The following NRXN2 variants were observed in gnomAD, a reference collection of about 807,000 sequenced individuals.
NRXN2 encodes the protein neurexin 2.
Under a neutral mutation model 128.8 loss-of-function variants are expected in NRXN2, and 29 were observed. The ratio of observed to expected loss-of-function variants is 0.23; its 90% CI spans 0.17 to 0.31. The LOEUF is 0.31. Ranked by LOEUF, NRXN2 falls within the 10% of genes least tolerant of loss-of-function variation. The pLI is 1.00. For synonymous variants in NRXN2, 1,098 were observed against 1,075.2 expected (o/e 1.02, Z -0.41); for missense variants, 1,881 against 2,452.6 (o/e 0.77, Z 4.92).
At chr11:64,609,781 GCT>G (rs1206132511) in intron 22 of NRXN2, among the ~76,000 whole-genome samples, 1 of 152,132 alleles carries the variant, frequency 6.6e-6, no homozygotes. Flanking sequence ...TTCCTCTCTG[GCT>G]CTCTCTTCAG....
Position 64,630,905 on chromosome 11 carries a change from C to A in NRXN2, c.3586-332G>T, listed in dbSNP as rs1269322063. 6.6e-6 allele frequency among the ~76,000 whole-genome samples: 1 copy of A among 152,220 alleles called. No homozygotes were observed. The highest frequency in any genetic ancestry group is 1.5e-5 in the Non-Finnish European group (1 of 68,030). ...CTGGGCCCAGACAGGGGTGATCGGGCCAAGCTGGGGACCAGCTCGGGGCAT... is the reference window on the plus strand; with the variant it reads ...CTGGGCCCAGACAGGGGTGATCGGGACAAGCTGGGGACCAGCTCGGGGCAT... On this transcript the variant is annotated intron_variant, in intron 18 of 22. Coordinates refer to ENST00000265459, the MANE Select transcript of NRXN2 (RefSeq NM_015080.4). This position sits in a 1 kb window ranked among gnomAD's most constrained non-coding sequence, Gnocchi z 4.6.
chr11:64,641,751 G>A (rs1170981124), intron 17 of NRXN2, among the ~76,000 whole-genome samples: 3 of 152,080 alleles, frequency 2.0e-5, no homozygotes, highest in Non-Finnish European at 4.4e-5. Flanking sequence ...TAAGTGGACA[G>A]CGATAGAGGA....
chr11:64,613,527 C>T (rs2040998404), intron 22 of NRXN2, among the ~76,000 whole-genome samples: 1 of 152,242 alleles, frequency 6.6e-6, no homozygotes, highest in South Asian at 2.1e-4. Flanking sequence ...CAGCAGCCTC[C>T]TGGTGCCACT....
chr11:64,662,501 G>A (rs1019358064), intron 9 of NRXN2, among the ~76,000 whole-genome samples: 3 of 152,134 alleles, frequency 2.0e-5, no homozygotes, highest in Admixed American at 1.3e-4. Context: ...AGGGGTCGGG[G>A]CCGGGCACAG....
Position 64,630,365 on chromosome 11 carries a change from C to G in NRXN2, c.3757+37G>C. 6.3e-7 allele frequency: 1 copy of G among 1,591,672 alleles called. No homozygotes were observed. The highest frequency in any genetic ancestry group is 8.5e-7 in the Non-Finnish European group (1 of 1,171,648). Reference sequence around the variant, plus strand: ...TCCTATCAGAGGCCGCCACCCGCCCCGCCACCGCGCCTCCTCCGCGGGCCC... The same window carrying G: ...TCCTATCAGAGGCCGCCACCCGCCCGGCCACCGCGCCTCCTCCGCGGGCCC... On this transcript the variant is annotated intron_variant, in intron 19 of 22. Coordinates refer to ENST00000265459, the MANE Select transcript of NRXN2 (RefSeq NM_015080.4). The surrounding 1 kb of genome is among the most constrained non-coding windows in gnomAD (Gnocchi z 4.6).
chr11:64,665,851 G>A (rs2049774515), intron 9 of NRXN2, among the ~76,000 whole-genome samples: 2 of 152,148 alleles, frequency 1.3e-5, no homozygotes, highest in Admixed American at 1.3e-4. Context: ...TCAACAAGAT[G>A]GAGAAGAGTA....
Position 64,714,804 on chromosome 11 carries a change from G to A in NRXN2, c.-244-861C>T, listed in dbSNP as rs1264388812. Among the ~76,000 whole-genome samples the A allele has an allele frequency of 3.3e-5, 5 of 152,102 alleles. No homozygotes were observed. The highest frequency in any genetic ancestry group is 1.3e-4 in the Admixed American group (2 of 15,274). On this transcript the variant is annotated intron_variant, in intron 1 of 22. Transcript: ENST00000265459. The surrounding 1 kb of genome is among the most constrained non-coding windows in gnomAD (Gnocchi z 4.5). ...CAGGCAGGCTCATTTGCATAAAATT[G>A]CCTTTCTGAAATGATTACCCTTGTA...
intron 6 of NRXN2, among the ~76,000 whole-genome samples, chr11:64,683,371 G>A (rs550923400): frequency 1.3e-5 from 2 of 152,244 alleles, no homozygotes; most frequent in African/African-American, 4.8e-5. Context: ...TGTAATCCCA[G>A]CATTTTGGGA....
At chr11:64,675,353 A>G (rs1242071047) in intron 7 of NRXN2, 1 of 152,314 alleles carries the variant, frequency 6.6e-6, no homozygotes, top group Admixed American at 6.5e-5. Context: ...TGGATCTGCA[A>G]AAGTATCAGG....
intron 2 of NRXN2, among the ~76,000 whole-genome samples, chr11:64,699,949 C>A (rs2055100479): frequency 6.6e-6 from 1 of 152,212 alleles, no homozygotes; most frequent in African/African-American, 2.4e-5. Flanking sequence ...AGTATTTCCA[C>A]CTGCCAGAAA....
rs182958426 is a variant in NRXN2 at position 64,620,276 on chromosome 11, G to C, written c.4252+18C>G. 1.2e-5 allele frequency: 18 copies of C among 1,543,726 alleles called. No individual in the cohort carries two copies. The East Asian group carries it at 4.4e-4, about 38-fold the overall frequency. On this transcript the variant is annotated intron_variant, in intron 22 of 22. Transcript: ENST00000265459. The stretch of plus-strand genomic sequence containing the variant: ...TCGCAGAGGGACCCGGGGCAGGGGA[G>C]GGGGGAAAGGCACTCACCAGTACTG...
In NRXN2 at chr11:64,607,545, C is replaced by T; in HGVS notation, c.4790G>A (p.Arg1597His). Residue 1597 changes from arginine (R) to histidine (H), a missense_variant, in exon 23 of 23, where the codon CGC (arginine) becomes CAC (histidine). Coordinates refer to ENST00000265459, the MANE Select transcript of NRXN2 (RefSeq NM_015080.4). ...SFEPRRPPPL[R>H]PGVTSAPGFP... The stretch of plus-strand genomic sequence containing the variant: ...GCCGGGGGCTGAGGTCACGCCGGGG[C>T]GCAGGGGAGGGGGCCTCCGCGGCTC... 1.9e-6 allele frequency: 3 copies of T among 1,554,486 alleles called. No homozygotes were observed. Among genetic ancestry groups the T allele is most frequent in the South Asian group, 2.3e-5 (2 of 86,798 alleles).
intron 17 of NRXN2, among the ~76,000 whole-genome samples, chr11:64,639,503 G>A (rs1281810238): frequency 6.6e-6 from 1 of 152,072 alleles, no homozygotes; most frequent in Non-Finnish European, 1.5e-5. Context: ...GAACACGGTG[G>A]GGTGGGAGGA....
At chr11:64,717,635 C>T (rs2057336723) in intron 1 of NRXN2, among the ~76,000 whole-genome samples, 1 of 152,244 alleles carries the variant, frequency 6.6e-6, no homozygotes, top group African/African-American at 2.4e-5. Context: ...TCCTCATTTT[C>T]CCACGGCGAG....
rs146047330 is a variant in NRXN2, at chr11:64,624,772, C to T, written c.3847+1691G>A. 2.8e-3 allele frequency among the ~76,000 whole-genome samples: 421 copies of T among 152,332 alleles called. 2 individuals are homozygous for T. Among genetic ancestry groups the T allele is most frequent in the Non-Finnish European group, 3.5e-3 (237 of 68,042 alleles). ...CACAAATCTCTCTATTGTGAAGCAT[C>T]TCATGGGACTGTTTCACAGGACATG... On this transcript the variant is annotated intron_variant, in intron 20 of 22. Coordinates refer to ENST00000265459, the MANE Select transcript of NRXN2 (RefSeq NM_015080.4).
At chr11:64,633,668 C>T (rs2044266488) in intron 18 of NRXN2, among the ~76,000 whole-genome samples, 2 of 152,148 alleles carry the variant, frequency 1.3e-5, no homozygotes, top group African/African-American at 2.4e-5. Flanking sequence ...TCTATAGATA[C>T]ACTCCATCAG....
intron 5 of NRXN2, among the ~76,000 whole-genome samples, chr11:64,687,089 C>T (rs1420243015): frequency 6.6e-6 from 1 of 152,228 alleles, no homozygotes; most frequent in Non-Finnish European, 1.5e-5. Context: ...GCTGGCCCTG[C>T]CTACCTCACT....
In NRXN2 at chr11:64,651,885, T is replaced by C. The variant is rs997115651; in HGVS notation, c.2536+150A>G. 2 of 1,291,170 alleles carry C rather than the reference T, an allele frequency of 1.5e-6. No individual in the cohort carries two copies. The highest frequency in any genetic ancestry group is 2.4e-5 in the East Asian group (1 of 42,536). The allele number at this position is 1,291,170 out of a possible 1,614,324, so 80.0% of individuals were successfully genotyped here. On this transcript the variant is annotated intron_variant, in intron 13 of 22. Coordinates refer to ENST00000265459, the MANE Select transcript of NRXN2 (RefSeq NM_015080.4). This position sits in a 1 kb window ranked among gnomAD's most constrained non-coding sequence, Gnocchi z 5.9. ...ATCGTTCCTGGGGTCCAGATGCCCA[T>C]AACATTCCACCCCTGAAGGAGAAAT...
Position 64,714,759 on chromosome 11 carries a change from T to C in NRXN2, c.-244-816A>G, listed in dbSNP as rs1286077492. On this transcript the variant is annotated intron_variant, in intron 1 of 22. Transcript: ENST00000265459. This position sits in a 1 kb window ranked among gnomAD's most constrained non-coding sequence, Gnocchi z 4.5. The stretch of plus-strand genomic sequence containing the variant: ...CCCTCTGCCCACCCCCCACCCAAGA[T>C]TGGGGGAGCCACCAGGAGGCAGGCA... Among the ~76,000 whole-genome samples, 5 of 143,362 alleles carry C rather than the reference T, an allele frequency of 3.5e-5. No individual in the cohort carries two copies. The highest frequency in any genetic ancestry group is 7.5e-5 in the African/African-American group (3 of 39,902). 94.1% of individuals were successfully genotyped at this position (143,362 alleles called of 152,430 possible).
Sources: gnomAD v4.1 joint callset for allele counts (sites outside exome capture counted in the v4.1 genomes callset) on GRCh38, gnomAD v4.1.1 for gene constraint, Gnocchi (gnomAD v3.1) non-coding constraint, MANE v1.5 for transcripts, NCBI Gene and HGNC (gene_info 2026-07-23, HGNC 2026-07-21) for gene names.